The following GPC5 variants were observed in gnomAD, a reference collection of about 807,000 sequenced individuals.
The protein encoded by GPC5 is glypican-5.
A neutral mutation model predicts 53.9 loss-of-function variants in GPC5; 47 were observed. The observed-to-expected ratio is 0.87, with a 90% confidence interval of 0.69 to 1.11. The LOEUF is 1.11. Among genes scored for constraint, GPC5 ranks in the 50% most tolerant of loss-of-function variants. The pLI is 0.00. For missense variants in GPC5, 748 were observed against 713.1 expected (o/e 1.05, Z -0.56); for synonymous variants, 286 against 263.3 (o/e 1.09, Z -0.84).
chr13:91,489,443 G>T (rs979460053), intron 2 of GPC5, among the ~76,000 whole-genome samples: 1 of 152,108 alleles, frequency 6.6e-6, no homozygotes, highest in Non-Finnish European at 1.5e-5. Flanking sequence ...GCTGAATTTT[G>T]CCTGATAGTC....
At chr13:91,657,982 A>C (rs1237185100) in intron 2 of GPC5, among the ~76,000 whole-genome samples, 1 of 152,234 alleles carries the variant, frequency 6.6e-6, no homozygotes, top group Non-Finnish European at 1.5e-5. Context: ...TTATCTTATG[A>C]AATTGAGCAG....
chr13:92,468,682 AAC>A lies in GPC5; in HGVS notation c.1561+323701_1561+323702del, dbSNP rs1566603677. On this transcript the variant is annotated intron_variant, in intron 7 of 7. Coordinates refer to ENST00000377067, the MANE Select transcript of GPC5 (RefSeq NM_004466.6). ...ACATAGGATTAATGAAACACACACA[AAC>A]ACACACATACAGGCCATGTGTTTTT... is the stretch of plus-strand genomic sequence containing the variant. Among the ~76,000 whole-genome samples the A allele has an allele frequency of 3.9e-5, 6 of 152,212 alleles. No individual in the cohort carries two copies. The South Asian group carries it at 1.0e-3, about 26-fold the overall frequency.
At chr13:92,108,933 A>C (rs562927667) in intron 6 of GPC5, among the ~76,000 whole-genome samples, 11 of 152,068 alleles carry the variant, frequency 7.2e-5, no homozygotes, top group African/African-American at 2.2e-4. Context: ...AAATATAAAA[A>C]ATTCTTCCTT....
intron 5 of GPC5, among the ~76,000 whole-genome samples, chr13:91,760,805 G>A (rs1291715352): frequency 6.6e-6 from 1 of 152,156 alleles, no homozygotes; most frequent in Non-Finnish European, 1.5e-5. Context: ...CTTTGTGATT[G>A]TAGATGAAAA....
intron 5 of GPC5, among the ~76,000 whole-genome samples, chr13:91,759,490 T>C (rs936589922): frequency 6.6e-6 from 1 of 152,116 alleles, no homozygotes; most frequent in African/African-American, 2.4e-5. Context: ...TAACTATATT[T>C]TATACCTATT....
At chr13:92,820,753 A>G (rs1424638497) in intron 7 of GPC5, among the ~76,000 whole-genome samples, 3 of 152,086 alleles carry the variant, frequency 2.0e-5, no homozygotes, top group Non-Finnish European at 4.4e-5. Context: ...CCTCTTTTTC[A>G]ATTCTCAGCT....
intron 7 of GPC5, among the ~76,000 whole-genome samples, chr13:92,594,704 C>T (rs965129447): frequency 2.6e-5 from 4 of 152,142 alleles, no homozygotes; most frequent in Non-Finnish European, 5.9e-5. Context: ...TGAAATTTAG[C>T]TAAAGAACTC....
intron 7 of GPC5, among the ~76,000 whole-genome samples, chr13:92,613,336 ATATATT>A (rs1884511946): frequency 9.8e-6 from 1 of 102,386 alleles, no homozygotes; most frequent in Non-Finnish European, 1.8e-5. Flanking sequence ...ATATAATATA[ATATATT>A]TATATATAAA....
intron 7 of GPC5, among the ~76,000 whole-genome samples, chr13:92,838,627 G>T (rs1878310209): frequency 6.6e-6 from 1 of 151,952 alleles, no homozygotes; most frequent in Non-Finnish European, 1.5e-5. Context: ...CAAAATCCAA[G>T]ATCTAAATGG....
intron 2 of GPC5, among the ~76,000 whole-genome samples, chr13:91,551,625 GA>G (rs1344554554): frequency 6.6e-6 from 1 of 152,080 alleles, no homozygotes; most frequent in Non-Finnish European, 1.5e-5. Context: ...GTACAATGGG[GA>G]TAGCAAATAA....
At chr13:92,027,138 G>T (rs2040807407) in intron 6 of GPC5, among the ~76,000 whole-genome samples, 1 of 152,098 alleles carries the variant, frequency 6.6e-6, no homozygotes, top group Non-Finnish European at 1.5e-5. Flanking sequence ...GTCATATCTG[G>T]TGTTTTATCT....
intron 7 of GPC5, among the ~76,000 whole-genome samples, chr13:92,541,577 T>A (rs553256783): frequency 1.3e-5 from 2 of 151,886 alleles, no homozygotes; most frequent in Non-Finnish European, 3.0e-5. Flanking sequence ...AAATAGCTTT[T>A]TTTTGCTGTG....
At chr13:91,782,412 T>A (rs1021920054) in intron 5 of GPC5, among the ~76,000 whole-genome samples, 1 of 152,066 alleles carries the variant, frequency 6.6e-6, no homozygotes, top group Admixed American at 6.5e-5. Flanking sequence ...ACAGTCATGG[T>A]GGAAGGTGAA....
intron 7 of GPC5, among the ~76,000 whole-genome samples, chr13:92,175,855 C>G (rs188645426): frequency 2.6e-5 from 4 of 152,046 alleles, no homozygotes; most frequent in Non-Finnish European, 5.9e-5. Context: ...TACAAGACCC[C>G]GTTACCAATT....
At chr13:91,991,025 GAAGGCAAATTTCACACACCT>G (rs1393382237) in intron 6 of GPC5, among the ~76,000 whole-genome samples, 1 of 152,120 alleles carries the variant, frequency 6.6e-6, no homozygotes, top group Non-Finnish European at 1.5e-5. Flanking sequence ...GTGCTTTTGG[GAAGGCAAATTTCACACACCT>G]AAGTTGTGTG....
At chr13:92,717,907 T>C (rs1888383960) in intron 7 of GPC5, among the ~76,000 whole-genome samples, 1 of 151,828 alleles carries the variant, frequency 6.6e-6, no homozygotes, top group Admixed American at 6.6e-5. Context: ...CTCAACTCAA[T>C]AGGAAAAAAT....
chr13:91,758,513 G>C (rs945854863), intron 5 of GPC5, among the ~76,000 whole-genome samples: 2 of 151,968 alleles, frequency 1.3e-5, no homozygotes, highest in Non-Finnish European at 2.9e-5. Flanking sequence ...TTGTGTAATG[G>C]GAAATACTGT....
chr13:92,152,371 T>C (rs2041913234), intron 7 of GPC5, among the ~76,000 whole-genome samples: 1 of 152,238 alleles, frequency 6.6e-6, no homozygotes. Context: ...AGCAGGACTC[T>C]TCAAGTGATT....
At chr13:91,628,985 TGGAG>T (rs2034084453) in intron 2 of GPC5, among the ~76,000 whole-genome samples, 1 of 152,184 alleles carries the variant, frequency 6.6e-6, no homozygotes, top group Non-Finnish European at 1.5e-5. Flanking sequence ...GCATCTAAAG[TGGAG>T]ATAATGACAT....
Sources: gnomAD v4.1 joint callset for allele counts (sites outside exome capture counted in the v4.1 genomes callset) on GRCh38, gnomAD v4.1.1 for gene constraint, MANE v1.5 for transcripts, NCBI Gene and HGNC (gene_info 2026-07-23, HGNC 2026-07-21) for gene names.